TJP1: variants seen among roughly 807,000 people sequenced by gnomAD.
TJP1 encodes the protein tight junction protein ZO-1.
A neutral mutation model predicts 194.2 loss-of-function variants in TJP1; 43 were observed. The ratio of observed to expected loss-of-function variants is 0.22; its 90% CI spans 0.17 to 0.29. The LOEUF is 0.29. Among genes scored for constraint, TJP1 ranks in the 10% least tolerant of loss-of-function variants. TJP1 has a pLI of 1.00. For missense variants in TJP1, 1,971 were observed against 2,185.7 expected (o/e 0.90, Z 1.96); for synonymous variants, 801 against 779.0 (o/e 1.03, Z -0.47).
At chr15:29,887,637 A>T (rs1409255503) in intron 2 of TJP1, among the ~76,000 whole-genome samples, 24 of 152,184 alleles carry the variant, frequency 1.6e-4, no homozygotes, top group Admixed American at 1.5e-3. Flanking sequence ...AGGAAAAAAA[A>T]TGACTTTCTA....
chr15:29,903,505 A>C (rs1046469055), intron 2 of TJP1, among the ~76,000 whole-genome samples: 7 of 151,162 alleles, frequency 4.6e-5, no homozygotes, highest in South Asian at 4.2e-4. Context: ...AGTGCAGTGG[A>C]GTGATCTCGG....
chr15:29,738,356 T>C lies in TJP1; in HGVS notation c.1257-942A>G, dbSNP rs991020351. ...ATTATTAGAAACTAATAGATAACAATAACAACAACAACAACAAAAAGTCAA... is the reference window on the plus strand; with the variant it reads ...ATTATTAGAAACTAATAGATAACAACAACAACAACAACAACAAAAAGTCAA... On this transcript the variant is annotated intron_variant, in intron 10 of 27. Transcript: ENST00000614355. Among the ~76,000 whole-genome samples, 5 of 152,028 alleles carry C rather than the reference T, an allele frequency of 3.3e-5. No individual in the cohort carries two copies. The East Asian group carries it at 5.8e-4, about 18-fold the overall frequency.
At chr15:29,856,959 C>T (rs2051879674) in intron 2 of TJP1, among the ~76,000 whole-genome samples, 1 of 151,896 alleles carries the variant, frequency 6.6e-6, no homozygotes, top group Non-Finnish European at 1.5e-5. Context: ...ATATACAGAG[C>T]ATTTACATTG....
At chr15:29,745,365 T>C (rs961921957) in intron 8 of TJP1, among the ~76,000 whole-genome samples, 10 of 149,572 alleles carry the variant, frequency 6.7e-5, no homozygotes, top group Non-Finnish European at 1.0e-4. Context: ...ATTAAGATAA[T>C]TTTAATTACA....
intron 2 of TJP1, among the ~76,000 whole-genome samples, chr15:29,871,652 G>A (rs1043280289): frequency 9.9e-5 from 15 of 152,222 alleles, no homozygotes; most frequent in African/African-American, 3.4e-4. Context: ...CAAGCTGCAC[G>A]TGAAAAAGCC....
At position 29,769,683 on chromosome 15, in the gene TJP1, A is replaced by G. The variant is rs78579709; in HGVS notation, c.312+2381T>C. On this transcript the variant is annotated intron_variant, in intron 4 of 27. Coordinates refer to ENST00000614355, the MANE Select transcript of TJP1 (RefSeq NM_001330239.4). Reference sequence around the variant, plus strand: ...ATCACAATGGAGCTGAAAATCTCCTATCACCTAGGGACGCCACAGGGTCAT... The same window carrying G: ...ATCACAATGGAGCTGAAAATCTCCTGTCACCTAGGGACGCCACAGGGTCAT... Among the ~76,000 whole-genome samples, 132 of 152,284 alleles carry G rather than the reference A, an allele frequency of 8.7e-4. 1 individual carries two copies. The highest frequency in any genetic ancestry group is 1.7e-3 in the Non-Finnish European group (113 of 68,012).
chr15:29,727,105 A>T, intron 16 of TJP1, 114 bp from the exon 17 acceptor site: 3 of 897,974 alleles, frequency 3.3e-6, no homozygotes, highest in Non-Finnish European at 5.1e-6. Flanking sequence ...GCACTTTGGG[A>T]GGTCGAGGTG....
chr15:29,792,101 T>C (rs2048132606), intron 2 of TJP1, among the ~76,000 whole-genome samples: 1 of 152,256 alleles, frequency 6.6e-6, no homozygotes, highest in African/African-American at 2.4e-5. Context: ...GACTGTTTGT[T>C]GTGCAGCAGC....
chr15:29,823,214 G>A (rs1295785824), upstream of TJP1: 1 of 152,184 alleles, frequency 6.6e-6, no homozygotes, highest in Non-Finnish European at 1.5e-5. Flanking sequence ...CTTGTTGACC[G>A]AACGGGTCAA....
At chr15:29,889,561 T>C (rs1237221271) in intron 2 of TJP1, among the ~76,000 whole-genome samples, 1 of 152,258 alleles carries the variant, frequency 6.6e-6, no homozygotes, top group African/African-American at 2.4e-5. Context: ...AATGCTACTT[T>C]TGAACACCAG....
intron 23 of TJP1, among the ~76,000 whole-genome samples, chr15:29,713,105 C>G (rs549102271): frequency 6.6e-6 from 1 of 152,342 alleles, no homozygotes; most frequent in South Asian, 2.1e-4. Flanking sequence ...AACAACTGAA[C>G]ATCAGTCTCT....
At chr15:29,941,264 A>T (rs962419235) in intron 2 of TJP1, among the ~76,000 whole-genome samples, 1 of 152,140 alleles carries the variant, frequency 6.6e-6, no homozygotes, top group Non-Finnish European at 1.5e-5. Flanking sequence ...TCGCTTCTTC[A>T]GCCTCTACCC....
chr15:29,882,245 A>G (rs1200908823), intron 2 of TJP1, among the ~76,000 whole-genome samples: 1 of 152,028 alleles, frequency 6.6e-6, no homozygotes, highest in Non-Finnish European at 1.5e-5. Flanking sequence ...AGTTTTCACC[A>G]TATGTTTTGT....
At chr15:29,960,981 C>CT (rs2056134725) in intron 1 of TJP1, among the ~76,000 whole-genome samples, 1 of 152,108 alleles carries the variant, frequency 6.6e-6, no homozygotes, top group South Asian at 2.1e-4. Flanking sequence ...TGTTGCTTCT[C>CT]TTTTGTTTAT....
chr15:29,949,645 C>A (rs375748303), intron 2 of TJP1, among the ~76,000 whole-genome samples: 125 of 114,002 alleles, frequency 1.1e-3, no homozygotes, highest in African/African-American at 3.1e-3. Flanking sequence ...CCACCTCCAC[C>A]ACCACCACCT....
intron 8 of TJP1, among the ~76,000 whole-genome samples, chr15:29,745,782 T>C (rs957072066): frequency 1.3e-5 from 2 of 152,228 alleles, no homozygotes; most frequent in Admixed American, 6.5e-5. Context: ...GAAAGTTTCT[T>C]ATCAAAAGAA....
rs542657658 is a variant in TJP1, at chr15:29,801,437, C to T, written c.28-735G>A. On this transcript the variant is annotated intron_variant, in intron 1 of 27. Coordinates refer to ENST00000614355, the MANE Select transcript of TJP1 (RefSeq NM_001330239.4). ...CAGTTTTACCTCCTGTCATGAGCCT[C>T]TCAATAGAGAGGAAAATAAATTATT... 1.4e-4 allele frequency among the ~76,000 whole-genome samples: 21 copies of T among 151,560 alleles called. No homozygotes were observed. In the South Asian group the frequency reaches 4.0e-3, roughly 29 times the overall value.
intron 2 of TJP1, among the ~76,000 whole-genome samples, chr15:29,955,305 T>C (rs909010263): frequency 1.3e-5 from 2 of 152,132 alleles, no homozygotes; most frequent in Admixed American, 1.3e-4. Flanking sequence ...TAATTTGCCA[T>C]TGAACCTTAT....
chr15:29,871,842 C>G (rs2052536240), intron 2 of TJP1, among the ~76,000 whole-genome samples: 1 of 152,226 alleles, frequency 6.6e-6, no homozygotes, highest in Non-Finnish European at 1.5e-5. Flanking sequence ...GCTAGCCAAG[C>G]TGTACAAAAG....
Sources: allele counts gnomAD v4.1 joint callset (sites outside exome capture counted in the v4.1 genomes callset), GRCh38; gene constraint gnomAD v4.1.1; transcripts MANE v1.5; gene names NCBI Gene and HGNC (gene_info 2026-07-23, HGNC 2026-07-21).